Variants in RARB observed in about 807,000 individuals in gnomAD.
The protein encoded by RARB is retinoic acid receptor beta.
A neutral mutation model predicts 51.9 loss-of-function variants in RARB; 17 were observed. The ratio of observed to expected loss-of-function variants is 0.33; its 90% CI spans 0.22 to 0.49. The LOEUF (loss-of-function observed/expected upper bound fraction) is 0.49, where lower values mean the gene tolerates loss of function less well. Among genes scored for constraint, RARB ranks in the 20% least tolerant of loss-of-function variants. The probability of loss-of-function intolerance (pLI) is 0.99; values close to 1 mark genes in which losing one functional copy is unlikely to be tolerated. For missense variants in RARB, 369 were observed against 550.8 expected (o/e 0.67, Z 3.30); for synonymous variants, 215 against 195.4 (o/e 1.10, Z -0.84).
chr3:25,349,802 A>G (rs193201932), intron 5 of RARB, among the ~76,000 whole-genome samples: 1 of 152,316 alleles, frequency 6.6e-6, no homozygotes, highest in African/African-American at 2.4e-5. Flanking sequence ...GTGGCTTAAA[A>G]CAACCCTTCT....
chr3:24,945,345 A>G (rs753671936), intron 2 of RARB, among the ~76,000 whole-genome samples: 12 of 152,214 alleles, frequency 7.9e-5, no homozygotes, highest in Non-Finnish European at 1.6e-4. Context: ...TGGCCATCAC[A>G]TGATCCTCAG....
intron 3 of RARB, among the ~76,000 whole-genome samples, chr3:25,523,840 T>C (rs905834106): frequency 6.6e-5 from 10 of 152,244 alleles, no homozygotes; most frequent in Non-Finnish European, 1.5e-5. Flanking sequence ...ACTTTTTCTC[T>C]TGTTCACAGG....
intron 5 of RARB, among the ~76,000 whole-genome samples, chr3:25,296,406 C>T (rs1274526980): frequency 6.6e-6 from 1 of 152,172 alleles, no homozygotes. Context: ...TATTTCCTAG[C>T]TTTCTGGGAA....
intron 3 of RARB, among the ~76,000 whole-genome samples, chr3:25,558,942 T>TC (rs1238068701): frequency 6.6e-6 from 1 of 152,102 alleles, no homozygotes; most frequent in Non-Finnish European, 1.5e-5. Context: ...TCATTATTTC[T>TC]CCCCATCAAT....
chr3:25,540,305 A>G (rs182928195), intron 3 of RARB, among the ~76,000 whole-genome samples: 1 of 152,314 alleles, frequency 6.6e-6, no homozygotes, highest in African/African-American at 2.4e-5. Flanking sequence ...GTGGAAGGAA[A>G]GCGGTTTAGG....
intron 2 of RARB, among the ~76,000 whole-genome samples, chr3:24,944,994 C>A (rs1695743789): frequency 1.3e-5 from 2 of 152,300 alleles, no homozygotes; most frequent in African/African-American, 4.8e-5. Context: ...AGTGAAAATA[C>A]ACGTGTGTGA....
intron 2 of RARB, among the ~76,000 whole-genome samples, chr3:24,978,616 T>C (rs576089990): frequency 6.6e-6 from 1 of 152,308 alleles, no homozygotes; most frequent in Admixed American, 6.5e-5. Flanking sequence ...TTTATGATTT[T>C]TTTATTGCGT....
chr3:24,931,399 C>CCA (rs1695437124), intron 2 of RARB, among the ~76,000 whole-genome samples: 1 of 151,906 alleles, frequency 6.6e-6, no homozygotes, highest in Non-Finnish European at 1.5e-5. Context: ...TCTGTACTTC[C>CCA]CCTTTAGCTA....
intron 2 of RARB, among the ~76,000 whole-genome samples, chr3:24,985,904 A>G (rs1402114047): frequency 6.6e-6 from 1 of 152,256 alleles, no homozygotes; most frequent in Non-Finnish European, 1.5e-5. Flanking sequence ...CAGAAAGGAC[A>G]GGACAGAACT....
At chr3:25,054,632 G>A (rs888711987) in intron 2 of RARB, among the ~76,000 whole-genome samples, 1 of 152,172 alleles carries the variant, frequency 6.6e-6, no homozygotes. Flanking sequence ...GGGAAAGGGG[G>A]AGCAGGAGAA....
intron 2 of RARB, among the ~76,000 whole-genome samples, chr3:24,986,123 T>A (rs1430362825): frequency 6.6e-6 from 1 of 152,248 alleles, no homozygotes; most frequent in Non-Finnish European, 1.5e-5. Context: ...ATTGTTTGAT[T>A]CTGAACACTG....
At chr3:25,461,023 A>G (rs1476631049) in intron 1 of RARB, among the ~76,000 whole-genome samples, 170 bp from the exon 2 acceptor site, 2 of 152,204 alleles carry the variant, frequency 1.3e-5, no homozygotes, top group East Asian at 1.9e-4. Flanking sequence ...TACCACATCA[A>G]TGTCAGTGTC....
intron 5 of RARB, among the ~76,000 whole-genome samples, chr3:25,314,179 A>G (rs1704361278): frequency 6.6e-6 from 1 of 152,196 alleles, no homozygotes; most frequent in African/African-American, 2.4e-5. Flanking sequence ...AAAAAGCTGG[A>G]AAAATAAGGT....
At chr3:25,202,959 T>C (rs1002352862) in intron 5 of RARB, among the ~76,000 whole-genome samples, 1 of 152,184 alleles carries the variant, frequency 6.6e-6, no homozygotes, top group South Asian at 2.1e-4. Flanking sequence ...GTCTGCTTGG[T>C]GCAGAGCTGA....
intron 4 of RARB, among the ~76,000 whole-genome samples, chr3:25,579,310 G>T (rs1701073171): frequency 6.6e-6 from 1 of 152,216 alleles, no homozygotes; most frequent in Non-Finnish European, 1.5e-5. Context: ...CCTGACTCCA[G>T]TCAAGATGTA....
Position 25,045,126 on chromosome 3 carries a change from A to G in RARB, c.-379-14999A>G, listed in dbSNP as rs561236278. On this transcript the variant is annotated intron_variant, in intron 2 of 11. Coordinates refer to the RARB transcript ENST00000383772. ...AGCGGAAGATGTCAGGTCTGTTTCT[A>G]GGAAATGACTGGCCTAACAGCTGGA... 2.0e-5 allele frequency among the ~76,000 whole-genome samples: 3 copies of G among 152,344 alleles called. No individual in the cohort carries two copies. The South Asian group carries it at 6.2e-4, about 32-fold the overall frequency.
At chr3:25,493,980 G>A (rs1273272926) in intron 2 of RARB, among the ~76,000 whole-genome samples, 1 of 152,126 alleles carries the variant, frequency 6.6e-6, no homozygotes, top group Non-Finnish European at 1.5e-5. Flanking sequence ...ACTTTAGAAA[G>A]CAAGGATTCT....
chr3:25,452,786 C>T (rs952596360), intron 1 of RARB, among the ~76,000 whole-genome samples: 1 of 152,196 alleles, frequency 6.6e-6, no homozygotes, highest in African/African-American at 2.4e-5. Flanking sequence ...TCCCTCTCCT[C>T]ATGGTATGGG....
chr3:25,105,204 A>G (rs1411655626), intron 3 of RARB, among the ~76,000 whole-genome samples: 2 of 151,772 alleles, frequency 1.3e-5, no homozygotes, highest in African/African-American at 4.8e-5. Flanking sequence ...ACATACAAAT[A>G]TCCTGAATCC....
Sources: gnomAD v4.1 joint callset for allele counts (sites outside exome capture counted in the v4.1 genomes callset) on GRCh38, gnomAD v4.1.1 for gene constraint, MANE v1.5 for transcripts, NCBI Gene and HGNC (gene_info 2026-07-23, HGNC 2026-07-21) for gene names.